The following ANP32D variants were observed in gnomAD, a reference collection of about 807,000 sequenced individuals.
The protein encoded by ANP32D is acidic nuclear phosphoprotein 32 family member D, also known as acidic leucine-rich nuclear phosphoprotein 32 family member D.
In ANP32D, 6 loss-of-function variants were observed where a neutral mutation model predicts 7.8. The observed-to-expected ratio is 0.77, with a 90% CI of 0.42 to 1.52. The LOEUF is 1.52. ANP32D is among the 40% of genes most tolerant of loss of function. ANP32D has a pLI of 0.01. For missense variants in ANP32D, 163 were observed against 145.9 expected (o/e 1.12, Z -0.60); for synonymous variants, 69 against 59.7 (o/e 1.16, Z -0.72).
In ANP32D at chr12:48,473,557, TG is replaced by T. The variant is rs1387717527; in HGVS notation, c.*502del. ...TGGGAGCAAGAGAGGAAAAGTGTAC[TG>T]GGGGTTGTGAGGGAAGGGAGGGGAG... On this transcript the variant is annotated 3_prime_UTR_variant, in exon 1 of 1. Coordinates refer to ENST00000266594, the MANE Select transcript of ANP32D (RefSeq NM_012404.3). The T allele has an allele frequency of 1.2e-5, 4 of 327,352 alleles. No individual in the cohort carries two copies. The highest frequency in any genetic ancestry group is 8.6e-5 in the African/African-American group (4 of 46,454). The allele number at this position is 327,352 out of a possible 1,614,324, so 20.3% of individuals were successfully genotyped here.
chr12:48,472,559 G>A lies in ANP32D; in HGVS notation c.-106G>A. 7.4e-7 allele frequency: 1 copy of A among 1,350,368 alleles called. No individual in the cohort carries two copies. The highest frequency in any genetic ancestry group is 1.0e-6 in the Non-Finnish European group (1 of 982,940). 83.6% of individuals were successfully genotyped at this position (1,350,368 alleles called of 1,614,324 possible). A position where few individuals can be genotyped will look rare whatever the true frequency, so the allele number is the denominator to read the frequency against. On this transcript the variant is annotated 5_prime_UTR_variant, in exon 1 of 1. Coordinates refer to ENST00000266594, the MANE Select transcript of ANP32D (RefSeq NM_012404.3). ...GTTTGGAATTAAGAATTTACTTTCG[G>A]AGAACCCAGCAGAGCTGGTTGAGCT...
chr12:48,472,591 T>G lies in ANP32D; in HGVS notation c.-74T>G. 1 of 1,565,088 alleles carries G rather than the reference T, an allele frequency of 6.4e-7. No homozygotes were observed. The highest frequency in any genetic ancestry group is 8.7e-7 in the Non-Finnish European group (1 of 1,151,428). On this transcript the variant is annotated 5_prime_UTR_variant, in exon 1 of 1. The change abolishes an upstream ATG in the 5' untranslated region. Transcript: ENST00000266594. ...CAGCAGAGCTGGTTGAGCTTTCAAATGTGCGGTTGTGGGTTCGGGGTTTAT... is the reference window on the plus strand; with the variant it reads ...CAGCAGAGCTGGTTGAGCTTTCAAAGGTGCGGTTGTGGGTTCGGGGTTTAT...
rs1033414501 is a variant in ANP32D at position 48,473,271 on chromosome 12, G to A, written c.*211G>A. ...GGAGGAGGAACGTGAAGAGGAGGAC[G>A]TGAGTGGAGACGAGGAGGAGAAGGA... is the stretch of plus-strand genomic sequence containing the variant. On this transcript the variant is annotated 3_prime_UTR_variant, in exon 1 of 1. Coordinates refer to ENST00000266594, the MANE Select transcript of ANP32D (RefSeq NM_012404.3). The A allele has an allele frequency of 4.0e-5, 43 of 1,076,838 alleles. No homozygotes were observed. The highest frequency in any genetic ancestry group is 4.6e-5 in the Non-Finnish European group (33 of 710,474). The allele number at this position is 1,076,838 out of a possible 1,614,324, so 66.7% of individuals were successfully genotyped here. A position where few individuals can be genotyped will look rare whatever the true frequency, so the allele number is the denominator to read the frequency against.
At position 48,473,021 on chromosome 12, in the gene ANP32D, C is replaced by T. The variant is rs751519124; in HGVS notation, c.357C>T (p.Asp119=). ...LKKLENLESL[D]LFTCEVTNLN... Reference sequence around the variant, plus strand: ...AGTTAGAAAACCTCGAGAGCTTAGACCTTTTCACTTGCGAGGTAACCAACC... The same window carrying T: ...AGTTAGAAAACCTCGAGAGCTTAGATCTTTTCACTTGCGAGGTAACCAACC... The change falls in exon 1 of 1, where the codon GAC becomes GAT. Residue 119 remains aspartate (D), a synonymous_variant. Coordinates refer to ENST00000266594, the MANE Select transcript of ANP32D (RefSeq NM_012404.3). The T allele has an allele frequency of 9.3e-6, 15 of 1,614,020 alleles. No individual in the cohort carries two copies. Among genetic ancestry groups the T allele is most frequent in the East Asian group, 6.7e-5 (3 of 44,898 alleles).
At position 48,472,962 on chromosome 12, in the gene ANP32D, A is replaced by G. The variant is rs762950778; in HGVS notation, c.298A>G (p.Ile100Val). ...LIHLNLSGNK[I>V]KDLSTIEPLK... ...ACATCTAAATTTAAGTGGCAACAAA[A>G]TTAAAGACCTCAGCACAATAGAGCC... is the stretch of plus-strand genomic sequence containing the variant. Residue 100 changes from isoleucine to valine, a missense_variant, in exon 1 of 1, where the codon ATT (isoleucine) becomes GTT (valine). Physicochemically the swap from Ile to Val is conservative, Grantham distance 29. Transcript: ENST00000266594. The G allele has an allele frequency of 7.4e-6, 12 of 1,614,114 alleles. No individual in the cohort carries two copies. Among genetic ancestry groups the G allele is most frequent in the Non-Finnish European group, 8.5e-6 (10 of 1,180,044 alleles).
In ANP32D at chr12:48,472,818, A is replaced by T; in HGVS notation, c.154A>T (p.Ile52Leu). ...EELELLNTIN[I>L]GLTSIANLPK... ...ACTGGAATTATTAAATACAATCAACATAGGCCTCACCTCAATTGCAAACTT... is the reference window on the plus strand; with the variant it reads ...ACTGGAATTATTAAATACAATCAACTTAGGCCTCACCTCAATTGCAAACTT... Residue 52 changes from isoleucine (I) to leucine (L), a missense_variant, in exon 1 of 1, where the codon ATA becomes TTA. Physicochemically the swap from Ile to Leu is conservative, Grantham distance 5. Transcript: ENST00000266594. The T allele has an allele frequency of 1.2e-6, 2 of 1,614,246 alleles. No homozygotes were observed. The highest frequency in any genetic ancestry group is 2.7e-5 in the African/African-American group (2 of 75,068).
In ANP32D at chr12:48,472,816, A is replaced by T. The variant is rs371961147; in HGVS notation, c.152A>T (p.Asn51Ile). The change falls in exon 1 of 1, where the codon AAC becomes ATC. Residue 51 changes from asparagine to isoleucine, a missense_variant. Asn to Ile is a moderately radical substitution (Grantham distance 149, BLOSUM62 -3). Coordinates refer to ENST00000266594, the MANE Select transcript of ANP32D (RefSeq NM_012404.3). The part of the protein sequence containing the change: ...FEELELLNTI[N>I]IGLTSIANLP... ...GAACTGGAATTATTAAATACAATCA[A>T]CATAGGCCTCACCTCAATTGCAAAC... 5.6e-5 allele frequency: 90 copies of T among 1,614,084 alleles called. No individual in the cohort carries two copies. The highest frequency in any genetic ancestry group is 1.6e-4 in the Middle Eastern group (1 of 6,082).
rs1396649740 is a variant in ANP32D, at chr12:48,472,860, C to T, written c.196C>T (p.Leu66Phe). ...TGCAAACTTGCCAAAGTTAAACAAA[C>T]TTAAGAAGCTTGAACTAAGCAGTAA... ...SIANLPKLNKLKKLELSSNRA... is the reference protein window; with the variant it reads ...SIANLPKLNKFKKLELSSNRA... The change falls in exon 1 of 1, where the codon CTT becomes TTT. Residue 66 changes from leucine (L) to phenylalanine (F), a missense_variant. Physicochemically the swap from Leu to Phe is conservative, Grantham distance 22. Transcript: ENST00000266594. The T allele has an allele frequency of 1.9e-6, 3 of 1,613,986 alleles. No individual in the cohort carries two copies. Among genetic ancestry groups the T allele is most frequent in the East Asian group, 2.2e-5 (1 of 44,888 alleles).
At position 48,472,564 on chromosome 12, in the gene ANP32D, C is replaced by A. The variant is rs1010069395; in HGVS notation, c.-101C>A. 7.2e-6 allele frequency: 10 copies of A among 1,394,552 alleles called. No homozygotes were observed. Among genetic ancestry groups the A allele is most frequent in the African/African-American group, 1.4e-5 (1 of 69,326 alleles). 86.4% of individuals were successfully genotyped at this position (1,394,552 alleles called of 1,614,324 possible). A position where few individuals can be genotyped will look rare whatever the true frequency, so the allele number is the denominator to read the frequency against. On this transcript the variant is annotated 5_prime_UTR_variant, in exon 1 of 1. Transcript: ENST00000266594. ...GAATTAAGAATTTACTTTCGGAGAA[C>A]CCAGCAGAGCTGGTTGAGCTTTCAA... is the stretch of plus-strand genomic sequence containing the variant.
rs913702459 is a variant in ANP32D at position 48,473,138 on chromosome 12, G to T, written c.*78G>T. The T allele has an allele frequency of 1.3e-6, 2 of 1,595,710 alleles. No individual in the cohort carries two copies. Among genetic ancestry groups the T allele is most frequent in the South Asian group, 1.1e-5 (1 of 90,472 alleles). On this transcript the variant is annotated 3_prime_UTR_variant, in exon 1 of 1. Coordinates refer to ENST00000266594, the MANE Select transcript of ANP32D (RefSeq NM_012404.3). The stretch of plus-strand genomic sequence containing the variant: ...CGGATGACAAGGAGGCCCCTAACTC[G>T]GATGGTGAGGGCTTTGTGGAGTGCC...
chr12:48,473,019 G>A lies in ANP32D; in HGVS notation c.355G>A (p.Asp119Asn), dbSNP rs756188573. 3 of 1,614,142 alleles carry A rather than the reference G, an allele frequency of 1.9e-6. No individual in the cohort carries two copies. Among genetic ancestry groups the A allele is most frequent in the Non-Finnish European group, 2.5e-6 (3 of 1,180,036 alleles). ...LKKLENLESL[D>N]LFTCEVTNLN... ...AAAGTTAGAAAACCTCGAGAGCTTA[G>A]ACCTTTTCACTTGCGAGGTAACCAA... The change falls in exon 1 of 1, where the codon GAC (aspartate) becomes AAC (asparagine). Residue 119 changes from aspartate to asparagine, a missense_variant. Asp to Asn is a conservative substitution (Grantham distance 23). Coordinates refer to ENST00000266594, the MANE Select transcript of ANP32D (RefSeq NM_012404.3).
At position 48,472,881 on chromosome 12, in the gene ANP32D, A is replaced by G; in HGVS notation, c.217A>G (p.Ser73Gly). ...CAAACTTAAGAAGCTTGAACTAAGC[A>G]GTAACAGAGCCTCAGTGGGCCTAGA... The part of the protein sequence containing the change: ...LNKLKKLELS[S>G]NRASVGLEVL... Residue 73 changes from serine to glycine, a missense_variant, in exon 1 of 1, where the codon AGT (serine) becomes GGT (glycine). Coordinates refer to ENST00000266594, the MANE Select transcript of ANP32D (RefSeq NM_012404.3). 1 of 1,614,192 alleles carries G rather than the reference A, an allele frequency of 6.2e-7. No homozygotes were observed. The highest frequency in any genetic ancestry group is 1.1e-5 in the South Asian group (1 of 91,074).
At chr12:48,472,860 CTT>C in the ANP32D span, 5 of 1,613,986 alleles carry the variant, frequency 3.1e-6, no homozygotes, top group Non-Finnish European at 4.2e-6. Flanking sequence ...GTTAAACAAA[CTT>C]AAGAAGCTTG....
Position 48,473,330 on chromosome 12 carries a change from G to C in ANP32D, c.*270G>C. 8.5e-7 allele frequency: 1 copy of C among 1,178,864 alleles called. No individual in the cohort carries two copies. The highest frequency in any genetic ancestry group is 1.2e-6 in the Non-Finnish European group (1 of 807,572). 73.0% of individuals were successfully genotyped at this position (1,178,864 alleles called of 1,614,324 possible). A position where few individuals can be genotyped will look rare whatever the true frequency, so the allele number is the denominator to read the frequency against. On this transcript the variant is annotated 3_prime_UTR_variant, in exon 1 of 1. Transcript: ENST00000266594. ...ATAACAATGGAGAGGTAGATGATGA[G>C]GAAGATGAAGAAGAGCTTGGTGAAG...
In ANP32D at chr12:48,472,781, T is replaced by C; in HGVS notation, c.117T>C (p.Asp39=). The change falls in exon 1 of 1, where the codon GAT becomes GAC. Residue 39 remains aspartate, a synonymous_variant. Coordinates refer to ENST00000266594, the MANE Select transcript of ANP32D (RefSeq NM_012404.3). The stretch of plus-strand genomic sequence containing the variant: ...AAGGCAAATTGGAAGGCCTCACAGA[T>C]GAATTTGAAGAACTGGAATTATTAA... ...SNEGKLEGLT[D]EFEELELLNT... The C allele has an allele frequency of 2.5e-6, 4 of 1,614,176 alleles. No individual in the cohort carries two copies. The highest frequency in any genetic ancestry group is 1.7e-5 in the Admixed American group (1 of 60,014).
chr12:48,472,797 G>T, the ANP32D span: 8 of 1,614,000 alleles, frequency 5.0e-6, no homozygotes, highest in Admixed American at 6.7e-5. Context: ...TGAAGAACTG[G>T]AATTATTAAA....
chr12:48,473,131 C>T lies in ANP32D; in HGVS notation c.*71C>T. 1 of 1,608,412 alleles carries T rather than the reference C, an allele frequency of 6.2e-7. No individual in the cohort carries two copies. Among genetic ancestry groups the T allele is most frequent in the South Asian group, 1.1e-5 (1 of 90,764 alleles). On this transcript the variant is annotated 3_prime_UTR_variant, in exon 1 of 1. Coordinates refer to ENST00000266594, the MANE Select transcript of ANP32D (RefSeq NM_012404.3). ...TGTGACCCGGATGACAAGGAGGCCC[C>T]TAACTCGGATGGTGAGGGCTTTGTG...
chr12:48,473,490 C>T lies in ANP32D; in HGVS notation c.*430C>T. 1 of 427,214 alleles carries T rather than the reference C, an allele frequency of 2.3e-6. No homozygotes were observed. Among genetic ancestry groups the T allele is most frequent in the Non-Finnish European group, 4.4e-6 (1 of 229,772 alleles). The allele number at this position is 427,214 out of a possible 1,614,324, so 26.5% of individuals were successfully genotyped here. On this transcript the variant is annotated 3_prime_UTR_variant, in exon 1 of 1. Transcript: ENST00000266594. The stretch of plus-strand genomic sequence containing the variant: ...CCGTATCCCCTCCCCCACTCCAATC[C>T]TGCCCCCTGAAACTTATTTTTTTCT...
Position 48,473,364 on chromosome 12 carries a change from G to C in ANP32D, c.*304G>C. Reference sequence around the variant, plus strand: ...AGAAGAGCTTGGTGAAGAAGAAAGGGGTCAGAAGCGAAAATAAGAAACTGA... The same window carrying C: ...AGAAGAGCTTGGTGAAGAAGAAAGGCGTCAGAAGCGAAAATAAGAAACTGA... On this transcript the variant is annotated 3_prime_UTR_variant, in exon 1 of 1. Transcript: ENST00000266594. The C allele has an allele frequency of 9.1e-7, 1 of 1,098,594 alleles. No individual in the cohort carries two copies. The highest frequency in any genetic ancestry group is 2.6e-5 in the East Asian group (1 of 37,906). 68.1% of individuals were successfully genotyped at this position (1,098,594 alleles called of 1,614,324 possible).
Sources: allele counts gnomAD v4.1 joint callset, GRCh38; gene constraint gnomAD v4.1.1; transcripts MANE v1.5; gene names NCBI Gene and HGNC (gene_info 2026-07-23, HGNC 2026-07-21).